Variants in RFX2 observed in about 807,000 individuals in gnomAD.
RFX2 encodes the protein regulatory factor X2.
In RFX2, 20 loss-of-function variants were observed where a neutral mutation model predicts 87.8. That is an observed-to-expected ratio of 0.23 (90% CI 0.16 to 0.33). The LOEUF is 0.33. Ranked by LOEUF, RFX2 falls within the 10% of genes least tolerant of loss-of-function variation. The probability of loss-of-function intolerance (pLI) is 1.00; values close to 1 mark genes in which losing one functional copy is unlikely to be tolerated. For missense variants in RFX2, 767 were observed against 1,012.3 expected (o/e 0.76, Z 3.29); for synonymous variants, 397 against 431.3 (o/e 0.92, Z 0.98).
In RFX2 at chr19:6,040,040, G is replaced by A. The variant is rs146903854; in HGVS notation, c.462C>T (p.His154=). 1.9e-5 allele frequency: 31 copies of A among 1,610,046 alleles called. No individual in the cohort carries two copies. The highest frequency in any genetic ancestry group is 3.4e-5 in the Admixed American group (2 of 59,492). ...IVSSAGAYLI[H]GGMDSTRHSL... ...AGTGTCTGGTGCTGTCCATCCCCCC[G>A]TGGATGAGATAGGCTCCCGCGCTGG... The change falls in exon 5 of 18, where the codon CAC becomes CAT. Residue 154 remains histidine, a synonymous_variant. Coordinates refer to ENST00000303657, the MANE Select transcript of RFX2 (RefSeq NM_000635.4). The surrounding 1 kb of genome is among the most constrained non-coding windows in gnomAD (Gnocchi z 6.1).
rs987082848 is a variant in RFX2 at position 6,063,780 on chromosome 19, T to TG, written c.-8-16277dup. ...GGCCGTCCTGGGCACCGCAGGGTGC[T>TG]GGGCAGCATCCCTGGCCTCCACCCA... On this transcript the variant is annotated intron_variant, in intron 1 of 17. Coordinates refer to ENST00000303657, the MANE Select transcript of RFX2 (RefSeq NM_000635.4). This position sits in a 1 kb window ranked among gnomAD's most constrained non-coding sequence, Gnocchi z 4.0. Among the ~76,000 whole-genome samples the TG allele has an allele frequency of 6.6e-6, 1 of 152,182 alleles. No individual in the cohort carries two copies. The highest frequency in any genetic ancestry group is 3.2e-3 in the Middle Eastern group (1 of 316).
In RFX2 at chr19:6,013,829, G is replaced by A. The variant is rs77816517; in HGVS notation, c.780-724C>T. Among the ~76,000 whole-genome samples the A allele has an allele frequency of 4.4e-3, 667 of 152,312 alleles. 7 individuals carry two copies. The East Asian group carries it at 0.071, about 16-fold the overall frequency. On this transcript the variant is annotated intron_variant, in intron 7 of 17. Transcript: ENST00000303657. This position sits in a 1 kb window ranked among gnomAD's most constrained non-coding sequence, Gnocchi z 4.1. The stretch of plus-strand genomic sequence containing the variant: ...ATCAAGGAATTCTGTACATAATGCC[G>A]TTGTCATAGAGAGTCCTCTCTCACA...
At position 6,010,993 on chromosome 19, in the gene RFX2, T is replaced by G. The variant is rs528062; in HGVS notation, c.900-742A>C. Among the ~76,000 whole-genome samples, 28,417 of 151,850 alleles carry G rather than the reference T, an allele frequency of 0.19. 8,053 individuals carry two copies. The highest frequency in any genetic ancestry group is 0.62 in the African/African-American group (25,434 of 41,304). On this transcript the variant is annotated intron_variant, in intron 8 of 17. Coordinates refer to ENST00000303657, the MANE Select transcript of RFX2 (RefSeq NM_000635.4). The surrounding 1 kb of genome is among the most constrained non-coding windows in gnomAD (Gnocchi z 5.0). ...TAGCTGGGCGTGGTGGCGCATGCCT[T>G]TAATCCCAGCGACTCAGGAGGCTGA...
intron 1 of RFX2, among the ~76,000 whole-genome samples, chr19:6,079,367 GAC>G (rs1245533922): frequency 1.3e-5 from 2 of 152,208 alleles, no homozygotes; most frequent in African/African-American, 4.8e-5. Context: ...ACAAACGACT[GAC>G]ACACGCAATG....
chr19:6,031,144 G>A (rs1387532440), intron 5 of RFX2, among the ~76,000 whole-genome samples: 1 of 152,086 alleles, frequency 6.6e-6, no homozygotes, highest in African/African-American at 2.4e-5. Flanking sequence ...AAACATGTCT[G>A]CCAAATACCT....
At chr19:6,100,935 T>C (rs1485578613) in intron 1 of RFX2, among the ~76,000 whole-genome samples, 1 of 151,754 alleles carries the variant, frequency 6.6e-6, no homozygotes, top group Non-Finnish European at 1.5e-5. Context: ...CACCCGCGTC[T>C]GTCATTTTAA....
chr19:6,051,394 C>G (rs1288213950), intron 1 of RFX2, among the ~76,000 whole-genome samples: 1 of 151,952 alleles, frequency 6.6e-6, no homozygotes, highest in Non-Finnish European at 1.5e-5. Context: ...AGGATGGGGA[C>G]AAATTAAGTT....
intron 4 of RFX2, among the ~76,000 whole-genome samples, chr19:6,041,430 C>T (rs544008184): frequency 6.6e-6 from 1 of 152,274 alleles, no homozygotes; most frequent in East Asian, 1.9e-4. Flanking sequence ...TTTCCTACCC[C>T]AAGCATCACA....
chr19:6,013,161 A>G lies in RFX2; in HGVS notation c.780-56T>C, dbSNP rs1599851392. 3 of 1,483,066 alleles carry G rather than the reference A, an allele frequency of 2.0e-6. No individual in the cohort carries two copies. The highest frequency in any genetic ancestry group is 2.7e-6 in the Non-Finnish European group (3 of 1,112,798). 91.9% of individuals were successfully genotyped at this position (1,483,066 alleles called of 1,614,324 possible). A position where few individuals can be genotyped will look rare whatever the true frequency, so the allele number is the denominator to read the frequency against. On this transcript the variant is annotated intron_variant, in intron 7 of 17. Transcript: ENST00000303657. This position sits in a 1 kb window ranked among gnomAD's most constrained non-coding sequence, Gnocchi z 4.1. ...CTTTGCAGATGTCCTGAACAACAAG[A>G]CAGGTTGGGATTCTTTTTCTTTCTT...
intron 5 of RFX2, among the ~76,000 whole-genome samples, chr19:6,029,449 T>G (rs990217105): frequency 2.6e-5 from 4 of 152,174 alleles, no homozygotes; most frequent in African/African-American, 9.6e-5. Flanking sequence ...GGCTCACACC[T>G]GTAATCCCAG....
At position 6,004,391 on chromosome 19, in the gene RFX2, T is replaced by C. The variant is rs2086547800; in HGVS notation, c.1403-93A>G. Reference sequence around the variant, plus strand: ...AGTGTAAGAGCTGGCCCAAGTGCGATGAAAATGACCACCATGAAGAACGAG... The same window carrying C: ...AGTGTAAGAGCTGGCCCAAGTGCGACGAAAATGACCACCATGAAGAACGAG... On this transcript the variant is annotated intron_variant, in intron 12 of 17. Coordinates refer to ENST00000303657, the MANE Select transcript of RFX2 (RefSeq NM_000635.4). The surrounding 1 kb of genome is among the most constrained non-coding windows in gnomAD (Gnocchi z 4.8). 9.7e-7 allele frequency: 1 copy of C among 1,034,108 alleles called. No individual in the cohort carries two copies. The highest frequency in any genetic ancestry group is 1.5e-6 in the Non-Finnish European group (1 of 657,938). 64.1% of individuals were successfully genotyped at this position (1,034,108 alleles called of 1,614,324 possible). A position where few individuals can be genotyped will look rare whatever the true frequency, so the allele number is the denominator to read the frequency against.
chr19:6,057,632 GCCTCC>G (rs1429580277), intron 1 of RFX2, among the ~76,000 whole-genome samples: 2 of 152,190 alleles, frequency 1.3e-5, no homozygotes, highest in African/African-American at 2.4e-5. Flanking sequence ...GAGGCACGTG[GCCTCC>G]TCCGGCCATC....
rs542921342 is a variant in RFX2 at position 6,094,196 on chromosome 19, G to C, written c.-9+16197C>G. On this transcript the variant is annotated intron_variant, in intron 1 of 17. Transcript: ENST00000303657. The stretch of plus-strand genomic sequence containing the variant: ...CCAAACTTTTCTTAGTGGTGGGAGG[G>C]GCAGAGGAGAGAGGAAGAAGCAGCC... Among the ~76,000 whole-genome samples the C allele has an allele frequency of 1.7e-3, 266 of 152,016 alleles. 1 individual carries two copies. The highest frequency in any genetic ancestry group is 2.9e-3 in the Admixed American group (44 of 15,246).
intron 1 of RFX2, among the ~76,000 whole-genome samples, chr19:6,048,146 G>C (rs1250975589): frequency 2.6e-5 from 4 of 152,216 alleles, no homozygotes; most frequent in African/African-American, 9.6e-5. Context: ...CCACTGGCTA[G>C]GGAGAGAAAA....
chr19:6,084,364 G>A (rs944900155), intron 1 of RFX2, among the ~76,000 whole-genome samples: 4 of 152,164 alleles, frequency 2.6e-5, no homozygotes, highest in Non-Finnish European at 5.9e-5. Context: ...GTGGTAAAAT[G>A]TGCATAATGT....
chr19:6,057,509 T>C (rs757024553), intron 1 of RFX2, among the ~76,000 whole-genome samples: 3 of 152,168 alleles, frequency 2.0e-5, no homozygotes, highest in Non-Finnish European at 4.4e-5. Context: ...CCTCACATAG[T>C]TCAGATCAGT....
chr19:6,049,313 G>A (rs1484054704), intron 1 of RFX2: 2 of 152,214 alleles, frequency 1.3e-5, no homozygotes, highest in Admixed American at 6.5e-5. Context: ...CAGTGATAAA[G>A]TCAGAATGCT....
chr19:5,995,015 G>A (rs2086386436), intron 17 of RFX2, 65 bp from the exon 18 acceptor site: 1 of 1,315,226 alleles, frequency 7.6e-7, no homozygotes, highest in Middle Eastern at 2.0e-4. Context: ...AGAAGGAAGT[G>A]CACGTTCCGA....
intron 5 of RFX2, among the ~76,000 whole-genome samples, chr19:6,028,248 G>T (rs981767545): frequency 1.3e-5 from 2 of 150,762 alleles, no homozygotes; most frequent in African/African-American, 4.9e-5. Flanking sequence ...GAATGATTCC[G>T]CATCTTCACA....
Sources: gnomAD v4.1 joint callset for allele counts (sites outside exome capture counted in the v4.1 genomes callset) on GRCh38, gnomAD v4.1.1 for gene constraint, Gnocchi (gnomAD v3.1) non-coding constraint, MANE v1.5 for transcripts, NCBI Gene and HGNC (gene_info 2026-07-23, HGNC 2026-07-21) for gene names.